Variants in FLOT2 observed in about 807,000 individuals in gnomAD.
FLOT2 encodes the protein flotillin-2.
Under a neutral mutation model 54.9 loss-of-function variants are expected in FLOT2, and 35 were observed. That is an observed-to-expected ratio of 0.64 (90% CI 0.49 to 0.84). The LOEUF (loss-of-function observed/expected upper bound fraction) is 0.84. Ranked by LOEUF, FLOT2 falls within the 40% of genes least tolerant of loss-of-function variation. The pLI, the probability that FLOT2 is intolerant of heterozygous loss-of-function variation, is 0.00. For synonymous variants in FLOT2, 207 were observed against 228.9 expected, an observed-to-expected ratio of 0.90 and a Z score of 0.86; for missense variants, 464 against 572.1, an observed-to-expected ratio of 0.81 and a Z score of 1.93.
At position 28,897,145 on chromosome 17, in the gene FLOT2, T is replaced by C. The variant is rs1598106208; in HGVS notation, c.49+381A>G. ...CCAGGGCTGCGCGACCCGCCCCCCA[T>C]CCCGGGCGCTGGAATCCAGCCAAAC... On this transcript the variant is annotated intron_variant, in intron 1 of 10. Coordinates refer to ENST00000394908, the MANE Select transcript of FLOT2 (RefSeq NM_004475.3). This position sits in a 1 kb window ranked among gnomAD's most constrained non-coding sequence, Gnocchi z 4.4. 6.6e-6 allele frequency among the ~76,000 whole-genome samples: 1 copy of C among 151,930 alleles called. No individual in the cohort carries two copies. Among genetic ancestry groups the C allele is most frequent in the Non-Finnish European group, 1.5e-5 (1 of 67,968 alleles).
chr17:28,881,198 C>T lies in FLOT2; in HGVS notation c.1092G>A (p.Leu364=), dbSNP rs1331760078. The T allele has an allele frequency of 1.2e-6, 2 of 1,613,372 alleles. No individual in the cohort carries two copies. Among genetic ancestry groups the T allele is most frequent in the Non-Finnish European group, 1.7e-6 (2 of 1,179,604 alleles). The change falls in exon 9 of 11, where the codon CTG becomes CTA. Residue 364 remains leucine (L), a synonymous_variant. Transcript: ENST00000394908. The stretch of plus-strand genomic sequence containing the variant: ...GCTTGGGTGGAAGCCTCACCTGGGG[C>T]AGGGCCTCTAGCACCAAGGCCATCT... The part of the protein sequence containing the change: ...AAKMALVLEA[L]PQIAAKIAAP...
chr17:28,882,407 G>C lies in FLOT2; in HGVS notation c.509C>G (p.Thr170Arg). Residue 170 changes from threonine to arginine, a missense_variant, in exon 6 of 11, where the codon ACG becomes AGG. Physicochemically the swap from Thr to Arg is moderately conservative, Grantham distance 71. Coordinates refer to ENST00000394908, the MANE Select transcript of FLOT2 (RefSeq NM_004475.3). This position sits in a 1 kb window ranked among gnomAD's most constrained non-coding sequence, Gnocchi z 5.6. ...ATCTCTCTGCACCACGGCAGTCTGC[G>C]TCTTGCCCAGGGAGCTCAGATAGTC... ...KVDYLSSLGK[T>R]QTAVVQRDAD... The C allele has an allele frequency of 6.2e-7, 1 of 1,614,116 alleles. No individual in the cohort carries two copies. Among genetic ancestry groups the C allele is most frequent in the Non-Finnish European group, 8.5e-7 (1 of 1,180,024 alleles).
At chr17:28,888,141 G>A (rs150130087) in intron 2 of FLOT2, among the ~76,000 whole-genome samples, 59 of 152,302 alleles carry the variant, frequency 3.9e-4, no homozygotes, top group Admixed American at 1.2e-3. Flanking sequence ...GGTCCTGGTT[G>A]GGAAGGATCT....
At position 28,879,921 on chromosome 17, in the gene FLOT2, C is replaced by T; in HGVS notation, c.*640G>A. ...TAGACAGGAGGCCTTGCCTCTGTGC[C>T]CTTGGGGTCAGGGAGAAAGGACAGG... On this transcript the variant is annotated 3_prime_UTR_variant, in exon 11 of 11. Coordinates refer to ENST00000394908, the MANE Select transcript of FLOT2 (RefSeq NM_004475.3). 1.0e-6 allele frequency: 1 copy of T among 986,182 alleles called. No homozygotes were observed. The highest frequency in any genetic ancestry group is 1.2e-6 in the Non-Finnish European group (1 of 830,326). 61.1% of individuals were successfully genotyped at this position (986,182 alleles called of 1,614,324 possible). A position where few individuals can be genotyped will look rare whatever the true frequency, so the allele number is the denominator to read the frequency against.
chr17:28,881,989 G>T lies in FLOT2; in HGVS notation c.739C>A (p.Arg247Ser), dbSNP rs567172028. Residue 247 changes from arginine to serine, a missense_variant, in exon 8 of 11, where the codon CGT becomes AGT. Transcript: ENST00000394908. ...TCCTGCCGGATCTTCTGCTGTTCACGGGCCCCCTGCAGCTCATAGGCCAAC... is the reference window on the plus strand; with the variant it reads ...TCCTGCCGGATCTTCTGCTGTTCACTGGCCCCCTGCAGCTCATAGGCCAAC... ...AQLAYELQGA[R>S]EQQKIRQEEI... is the part of the protein sequence containing the mutation. 6.2e-7 allele frequency: 1 copy of T among 1,614,050 alleles called. No individual in the cohort carries two copies. The highest frequency in any genetic ancestry group is 1.1e-5 in the South Asian group (1 of 91,082).
chr17:28,888,577 C>T (rs988089880), intron 2 of FLOT2, among the ~76,000 whole-genome samples: 7 of 152,294 alleles, frequency 4.6e-5, no homozygotes, highest in Admixed American at 3.9e-4. Context: ...ATGCCCACTC[C>T]AAACTGGGCG....
chr17:28,881,758 A>G lies in FLOT2; in HGVS notation c.914+56T>C, dbSNP rs551086762. The G allele has an allele frequency of 7.7e-5, 115 of 1,498,764 alleles. No homozygotes were observed. In the African/African-American group the frequency reaches 9.2e-4, roughly 12 times the overall value. 92.8% of individuals were successfully genotyped at this position (1,498,764 alleles called of 1,614,324 possible). A position where few individuals can be genotyped will look rare whatever the true frequency, so the allele number is the denominator to read the frequency against. On this transcript the variant is annotated intron_variant, in intron 8 of 10. Coordinates refer to ENST00000394908, the MANE Select transcript of FLOT2 (RefSeq NM_004475.3). ...GTGGTCAGGAGAGTAGAGGGAGTGC[A>G]CTGAAGGCAGAGGAGCCTGACTAAG... is the stretch of plus-strand genomic sequence containing the variant.
Position 28,879,605 on chromosome 17 carries a change from A to T in FLOT2, c.*956T>A, listed in dbSNP as rs996800476. 3 of 985,752 alleles carry T rather than the reference A, an allele frequency of 3.0e-6. No individual in the cohort carries two copies. Among genetic ancestry groups the T allele is most frequent in the Non-Finnish European group, 3.6e-6 (3 of 830,032 alleles). 61.1% of individuals were successfully genotyped at this position (985,752 alleles called of 1,614,324 possible). A position where few individuals can be genotyped will look rare whatever the true frequency, so the allele number is the denominator to read the frequency against. On this transcript the variant is annotated 3_prime_UTR_variant, in exon 11 of 11. Transcript: ENST00000394908. The stretch of plus-strand genomic sequence containing the variant: ...TGGAACCCCATCACTCTGGCCAGGA[A>T]GAAAGATGGCACAAGGGCTCTGGGG...
rs546111850 is a variant in FLOT2, at chr17:28,882,874, GA to G, written c.347-184del. 8 of 636,760 alleles carry G rather than the reference GA, an allele frequency of 1.3e-5. No homozygotes were observed. In the Admixed American group the frequency reaches 1.4e-4, roughly 11 times the overall value. The allele number at this position is 636,760 out of a possible 1,614,324, so 39.4% of individuals were successfully genotyped here. On this transcript the variant is annotated intron_variant, in intron 4 of 10. Transcript: ENST00000394908. This position sits in a 1 kb window ranked among gnomAD's most constrained non-coding sequence, Gnocchi z 5.6. Reference sequence around the variant, plus strand: ...TGCTGCACAGTCCAGGCTGAATGAGGAAAAGTGTCCCAAGCAGCACTAGGTT... The same window carrying G: ...TGCTGCACAGTCCAGGCTGAATGAGGAAAGTGTCCCAAGCAGCACTAGGTT...
chr17:28,882,981 A>AAGG lies in FLOT2; in HGVS notation c.346+126_346+127insCCT, dbSNP rs2039481966. On this transcript the variant is annotated intron_variant, in intron 4 of 10. Coordinates refer to ENST00000394908, the MANE Select transcript of FLOT2 (RefSeq NM_004475.3). The surrounding 1 kb of genome is among the most constrained non-coding windows in gnomAD (Gnocchi z 5.6). ...TCAAGTCACCTGAAGTTTTGAAATT[A>AAGG]AATATTTGAGGAAAAGTGTTTTAGC... The AAGG allele has an allele frequency of 9.8e-7, 1 of 1,025,012 alleles. No homozygotes were observed. Among genetic ancestry groups the AAGG allele is most frequent in the Non-Finnish European group, 1.4e-6 (1 of 705,718 alleles). 63.5% of individuals were successfully genotyped at this position (1,025,012 alleles called of 1,614,324 possible). A position where few individuals can be genotyped will look rare whatever the true frequency, so the allele number is the denominator to read the frequency against.
At chr17:28,885,867 C>G in intron 2 of FLOT2, 1 of 1,546,890 alleles carries the variant, frequency 6.5e-7, no homozygotes, top group Non-Finnish European at 8.7e-7. Flanking sequence ...CTGTGCAACC[C>G]CTGTTACGAA....
In FLOT2 at chr17:28,880,356, A is replaced by C; in HGVS notation, c.*205T>G. ...CACAAACCTGATGAAAGTGGCAGTG[A>C]AAGTGGGGTAAAGGAGAGGAAGAGG... On this transcript the variant is annotated 3_prime_UTR_variant, in exon 11 of 11. Coordinates refer to ENST00000394908, the MANE Select transcript of FLOT2 (RefSeq NM_004475.3). The C allele has an allele frequency of 7.1e-7, 1 of 1,414,516 alleles. No homozygotes were observed. The allele number at this position is 1,414,516 out of a possible 1,614,324, so 87.6% of individuals were successfully genotyped here. A position where few individuals can be genotyped will look rare whatever the true frequency, so the allele number is the denominator to read the frequency against.
At position 28,882,759 on chromosome 17, in the gene FLOT2, C is replaced by A; in HGVS notation, c.347-68G>T. ...CCAGCTGGGGAAGGGAGGAGGCATG[C>A]ATGTAGAGGTAGGGGTGCATGCGGG... On this transcript the variant is annotated intron_variant, in intron 4 of 10. Coordinates refer to ENST00000394908, the MANE Select transcript of FLOT2 (RefSeq NM_004475.3). The surrounding 1 kb of genome is among the most constrained non-coding windows in gnomAD (Gnocchi z 5.6). 9.5e-7 allele frequency: 1 copy of A among 1,053,914 alleles called. No individual in the cohort carries two copies. Among genetic ancestry groups the A allele is most frequent in the Non-Finnish European group, 1.5e-6 (1 of 680,810 alleles). 65.3% of individuals were successfully genotyped at this position (1,053,914 alleles called of 1,614,324 possible).
In FLOT2 at chr17:28,880,837, A is replaced by G; in HGVS notation, c.1124T>C (p.Leu375Pro). The G allele has an allele frequency of 6.2e-7, 1 of 1,614,110 alleles. No homozygotes were observed. The highest frequency in any genetic ancestry group is 8.5e-7 in the Non-Finnish European group (1 of 1,180,036). ...GACCACAATCTCATCGACCTTGGTA[A>G]GTGGGGCAGCGATTTTGGCAGCAAT... ...PQIAAKIAAP[L>P]TKVDEIVVLS... The change falls in exon 10 of 11, where the codon CTT becomes CCT. Residue 375 changes from leucine (L) to proline (P), a missense_variant. Physicochemically the swap from Leu to Pro is moderately conservative, Grantham distance 98 (BLOSUM62 -3). Coordinates refer to ENST00000394908, the MANE Select transcript of FLOT2 (RefSeq NM_004475.3).
At position 28,880,588 on chromosome 17, in the gene FLOT2, G is replaced by T. The variant is rs767351713; in HGVS notation, c.1260C>A (p.Ile420=). The T allele has an allele frequency of 1.4e-5, 22 of 1,613,976 alleles. No individual in the cohort carries two copies. In the East Asian group the frequency reaches 4.5e-4, roughly 33 times the overall value. The part of the protein sequence containing the change: ...TGVDLSKIPL[I]KKATGVQV ...ACACCTGCACACCAGTGGCCTTCTTGATCAGGGGTATCTGCAAGGATGGGA... is the reference window on the plus strand; with the variant it reads ...ACACCTGCACACCAGTGGCCTTCTTTATCAGGGGTATCTGCAAGGATGGGA... The change falls in exon 11 of 11, where the codon ATC becomes ATA. Residue 420 remains isoleucine, a synonymous_variant. Coordinates refer to ENST00000394908, the MANE Select transcript of FLOT2 (RefSeq NM_004475.3).
chr17:28,880,340 G>T lies in FLOT2; in HGVS notation c.*221C>A. ...ACGCAGGGAGATGAGACACAAACCT[G>T]ATGAAAGTGGCAGTGAAAGTGGGGT... On this transcript the variant is annotated 3_prime_UTR_variant, in exon 11 of 11. Transcript: ENST00000394908. 7.1e-7 allele frequency: 1 copy of T among 1,407,460 alleles called. No individual in the cohort carries two copies. Among genetic ancestry groups the T allele is most frequent in the Non-Finnish European group, 9.2e-7 (1 of 1,082,556 alleles). 87.2% of individuals were successfully genotyped at this position (1,407,460 alleles called of 1,614,324 possible).
At position 28,880,517 on chromosome 17, in the gene FLOT2, G is replaced by A. The variant is rs756405900; in HGVS notation, c.*44C>T. ...CTGTGGGATTAAAACGGGTGCTGGA[G>A]GGAGGGCCGGGTGGCTGCTGAAGAG... On this transcript the variant is annotated 3_prime_UTR_variant, in exon 11 of 11. Coordinates refer to ENST00000394908, the MANE Select transcript of FLOT2 (RefSeq NM_004475.3). 3.7e-6 allele frequency: 6 copies of A among 1,604,328 alleles called. No individual in the cohort carries two copies. Among genetic ancestry groups the A allele is most frequent in the South Asian group, 1.1e-5 (1 of 89,978 alleles).
Position 28,897,483 on chromosome 17 carries a change from C to T in FLOT2, c.49+43G>A, listed in dbSNP as rs1204220447. ...GCACTCCCCAGCCCTGCACCCACCC[C>T]GAGCACCCTCCACAGCTCCCACCTT... is the stretch of plus-strand genomic sequence containing the variant. On this transcript the variant is annotated intron_variant, in intron 1 of 10. Transcript: ENST00000394908. The surrounding 1 kb of genome is among the most constrained non-coding windows in gnomAD (Gnocchi z 4.4). 6.4e-7 allele frequency: 1 copy of T among 1,572,084 alleles called. No homozygotes were observed. The highest frequency in any genetic ancestry group is 8.7e-7 in the Non-Finnish European group (1 of 1,155,576).
chr17:28,888,854 A>T, intron 2 of FLOT2, 91 bp downstream of exon 2: 1 of 720,620 alleles, frequency 1.4e-6, no homozygotes, highest in Non-Finnish European at 2.2e-6. Flanking sequence ...TAGATGCTCT[A>T]GCTGACCCTC....
Sources: gnomAD v4.1 joint callset for allele counts (sites outside exome capture counted in the v4.1 genomes callset) on GRCh38, gnomAD v4.1.1 for gene constraint, Gnocchi (gnomAD v3.1) non-coding constraint, MANE v1.5 for transcripts, NCBI Gene and HGNC (gene_info 2026-07-23, HGNC 2026-07-21) for gene names.